PLCZ1: variants seen among roughly 807,000 people sequenced by gnomAD.
PLCZ1 encodes the protein 1-phosphatidylinositol 4,5-bisphosphate phosphodiesterase zeta-1.
A neutral mutation model predicts 76.8 loss-of-function variants in PLCZ1; 64 were observed. That is an observed-to-expected ratio of 0.83 (90% CI 0.68 to 1.03). The LOEUF (loss-of-function observed/expected upper bound fraction) is 1.03. PLCZ1 is among the 50% of genes least tolerant of loss of function. PLCZ1 has a pLI of 0.00. For synonymous variants in PLCZ1, 248 were observed against 230.8 expected, an observed-to-expected ratio of 1.07 and a Z score of -0.68; for missense variants, 751 against 713.7, an observed-to-expected ratio of 1.05 and a Z score of -0.60.
chr12:18,733,318 A>G (rs553378452), intron 3 of PLCZ1, among the ~76,000 whole-genome samples: 2 of 152,282 alleles, frequency 1.3e-5, no homozygotes, highest in South Asian at 2.1e-4. Flanking sequence ...TTTCCATTCT[A>G]TGGAGTTGTG....
intron 6 of PLCZ1, among the ~76,000 whole-genome samples, chr12:18,706,269 G>T (rs1956608547): frequency 6.6e-6 from 1 of 151,622 alleles, no homozygotes; most frequent in African/African-American, 2.4e-5. Flanking sequence ...AGAAGACAGA[G>T]CTATCTATAC....
At chr12:18,675,421 G>A in the PLCZ1 span, among the ~76,000 whole-genome samples, 2 of 152,148 alleles carry the variant, frequency 1.3e-5, no homozygotes, top group Non-Finnish European at 2.9e-5. Context: ...ACTGCTGGTG[G>A]GAATGTAAAT....
chr12:18,714,939 A>G (rs1055314641), intron 5 of PLCZ1: 1 of 151,908 alleles, frequency 6.6e-6, no homozygotes, highest in Non-Finnish European at 1.5e-5. Context: ...CCAAGTACTT[A>G]TATAAAATCA....
chr12:18,688,989 GAGA>G (rs1953632053), intron 12 of PLCZ1, among the ~76,000 whole-genome samples: 1 of 150,968 alleles, frequency 6.6e-6, no homozygotes, highest in Non-Finnish European at 1.5e-5. Context: ...GAAGGAGGGA[GAGA>G]AGGAGTAGAA....
At chr12:18,660,305 G>C in the PLCZ1 span, among the ~76,000 whole-genome samples, 1 of 152,076 alleles carries the variant, frequency 6.6e-6, no homozygotes, top group African/African-American at 2.4e-5. Context: ...AAATATCAGG[G>C]ATCTGTGTTC....
rs751263624 is a variant in PLCZ1 at position 18,719,412 on chromosome 12, T to C, written c.569+19A>G. 1 of 1,363,860 alleles carries C rather than the reference T, an allele frequency of 7.3e-7. No individual in the cohort carries two copies. The highest frequency in any genetic ancestry group is 2.6e-5 in the Admixed American group (1 of 39,020). The allele number at this position is 1,363,860 out of a possible 1,614,324, so 84.5% of individuals were successfully genotyped here. A position where few individuals can be genotyped will look rare whatever the true frequency, so the allele number is the denominator to read the frequency against. On this transcript the variant is annotated intron_variant, in intron 5 of 14. Transcript: ENST00000266505. Reference sequence around the variant, plus strand: ...CCAAGTATTTTTAAATGTAATAGATTTAAAAATAAAATAAATACCTTACAT... The same window carrying C: ...CCAAGTATTTTTAAATGTAATAGATCTAAAAATAAAATAAATACCTTACAT...
chr12:18,696,865 T>G (rs1415010257), intron 10 of PLCZ1, among the ~76,000 whole-genome samples: 1 of 152,124 alleles, frequency 6.6e-6, no homozygotes, highest in Non-Finnish European at 1.5e-5. Context: ...TGAAAAACTT[T>G]CAATGCTTTT....
the PLCZ1 span, among the ~76,000 whole-genome samples, chr12:18,650,728 A>C: frequency 9.8e-4 from 23 of 23,450 alleles, no homozygotes; most frequent in Non-Finnish European, 1.0e-3. Flanking sequence ...ATATATATAT[A>C]TATATATATA....
chr12:18,682,941 A>C (rs1952563608), downstream of PLCZ1, among the ~76,000 whole-genome samples: 1 of 151,986 alleles, frequency 6.6e-6, no homozygotes, highest in Non-Finnish European at 1.5e-5. Context: ...GATGTATTTC[A>C]AAAGCTTATA....
chr12:18,671,879 T>C, the PLCZ1 span, among the ~76,000 whole-genome samples: 1 of 152,146 alleles, frequency 6.6e-6, no homozygotes, highest in South Asian at 2.1e-4. Context: ...AGATTCAATG[T>C]CTGGTGAAGG....
chr12:18,722,343 T>C (rs1052008347), intron 4 of PLCZ1, among the ~76,000 whole-genome samples: 23 of 152,260 alleles, frequency 1.5e-4, no homozygotes, highest in African/African-American at 5.5e-4. Context: ...TTCTTCACTA[T>C]ATCTTCAGCC....
the PLCZ1 span, among the ~76,000 whole-genome samples, chr12:18,647,102 T>A: frequency 1.3e-5 from 2 of 152,142 alleles, no homozygotes; most frequent in Non-Finnish European, 2.9e-5. Flanking sequence ...TTCATGCAGA[T>A]TTTATTTAAT....
intron 4 of PLCZ1, among the ~76,000 whole-genome samples, chr12:18,722,696 C>T (rs780206168): frequency 5.3e-5 from 8 of 151,834 alleles, no homozygotes; most frequent in Non-Finnish European, 8.8e-5. Flanking sequence ...AAAGATGGAA[C>T]AAAGATCACA....
At chr12:18,655,587 A>G in the PLCZ1 span, among the ~76,000 whole-genome samples, 2 of 152,174 alleles carry the variant, frequency 1.3e-5, no homozygotes, top group African/African-American at 4.8e-5. Context: ...GATTAACTTT[A>G]TAGTAGAGAA....
chr12:18,699,327 T>A (rs576673111), intron 10 of PLCZ1, among the ~76,000 whole-genome samples: 1 of 152,282 alleles, frequency 6.6e-6, no homozygotes, highest in African/African-American at 2.4e-5. Context: ...CTGCCAGAAA[T>A]CTTTATTACC....
Position 18,721,880 on chromosome 12 carries a change from G to A in PLCZ1, c.367+1431C>T, listed in dbSNP as rs370562710. Among the ~76,000 whole-genome samples the A allele has an allele frequency of 1.1e-4, 16 of 151,980 alleles. No individual in the cohort carries two copies. The East Asian group carries it at 1.7e-3, about 17-fold the overall frequency. On this transcript the variant is annotated intron_variant, in intron 4 of 14. Coordinates refer to ENST00000266505, the MANE Select transcript of PLCZ1 (RefSeq NM_033123.4). ...AACTCAATGACACCACTACAATATC[G>A]AGAACCCTTCAAAATCTTTGCATGG...
intron 3 of PLCZ1, among the ~76,000 whole-genome samples, chr12:18,735,526 C>G (rs911567794): frequency 6.6e-6 from 1 of 152,166 alleles, no homozygotes; most frequent in Non-Finnish European, 1.5e-5. Context: ...AGGTACAAAT[C>G]ACTGCACACA....
intron 6 of PLCZ1, among the ~76,000 whole-genome samples, chr12:18,712,480 T>C (rs576546107): frequency 6.6e-6 from 1 of 152,314 alleles, no homozygotes; most frequent in African/African-American, 2.4e-5. Flanking sequence ...ACATTTTATT[T>C]TGTCTTGAAA....
chr12:18,650,704 G>GTATATATATATATA, the PLCZ1 span, among the ~76,000 whole-genome samples: 1 of 57,764 alleles, frequency 1.7e-5, no homozygotes, highest in Non-Finnish European at 4.0e-5. Flanking sequence ...GTGTGTGTGT[G>GTATATATATATATA]TATATATCTA....
Sources: gnomAD v4.1 joint callset for allele counts (sites outside exome capture counted in the v4.1 genomes callset) on GRCh38, gnomAD v4.1.1 for gene constraint, MANE v1.5 for transcripts, NCBI Gene and HGNC (gene_info 2026-07-23, HGNC 2026-07-21) for gene names.